The following LPAR6 variants were observed in gnomAD, a reference collection of about 807,000 sequenced individuals.
LPAR6 encodes the protein lysophosphatidic acid receptor 6, also known as G-protein coupled purinergic receptor P2Y5.
A neutral mutation model predicts 22.0 loss-of-function variants in LPAR6; 17 were observed. That is an observed-to-expected ratio of 0.77 (90% CI 0.53 to 1.16). The LOEUF is 1.16. LPAR6 is among the 50% of genes most tolerant of loss of function. The probability of loss-of-function intolerance (pLI) is 0.00; values close to 1 mark genes in which losing one functional copy is unlikely to be tolerated. For missense variants in LPAR6, 384 were observed against 406.9 expected (o/e 0.94, Z 0.48); for synonymous variants, 136 against 139.8 (o/e 0.97, Z 0.19).
At chr13:48,408,888 T>A (rs1309709119), downstream of LPAR6, 1 of 152,170 alleles carries the variant, frequency 6.6e-6, no homozygotes, top group Non-Finnish European at 1.5e-5. Flanking sequence ...TAAGTTGAGA[T>A]CTTTAAGCTG....
Position 48,412,712 on chromosome 13 carries a change from A to G in LPAR6, c.-289T>C. 2.2e-6 allele frequency: 1 copy of G among 461,948 alleles called. No individual in the cohort carries two copies. The highest frequency in any genetic ancestry group is 4.1e-6 in the Non-Finnish European group (1 of 244,242). 28.6% of individuals were successfully genotyped at this position (461,948 alleles called of 1,614,324 possible). A position where few individuals can be genotyped will look rare whatever the true frequency, so the allele number is the denominator to read the frequency against. On this transcript the variant is annotated 5_prime_UTR_variant, in exon 1 of 1. Coordinates refer to ENST00000620633, the MANE Select transcript of LPAR6 (RefSeq NM_001162498.3). ...AACTGACGAGCAACCTTTAAAAAAT[A>G]CAGTCAACGAGTCCAACCCATAGGA...
chr13:48,434,895 G>C (rs1023699576), intron 1 of LPAR6, among the ~76,000 whole-genome samples: 2 of 152,102 alleles, frequency 1.3e-5, no homozygotes, highest in African/African-American at 4.8e-5. Flanking sequence ...TGTATCAATA[G>C]TTCATACCTT....
At chr13:48,392,093 C>T (rs969985302) in intron 1 of LPAR6, among the ~76,000 whole-genome samples, 1 of 151,882 alleles carries the variant, frequency 6.6e-6, no homozygotes, top group East Asian at 1.9e-4. Flanking sequence ...GCTCCACTGT[C>T]TTCTGGTTTG....
chr13:48,396,621 G>A (rs999112513), intron 1 of LPAR6, among the ~76,000 whole-genome samples: 2 of 152,080 alleles, frequency 1.3e-5, no homozygotes, highest in Admixed American at 6.6e-5. Context: ...CAAAAGCAAT[G>A]GCAACAAAAG....
At chr13:48,442,612 A>T (rs1949249252) in intron 1 of LPAR6, among the ~76,000 whole-genome samples, 1 of 152,178 alleles carries the variant, frequency 6.6e-6, no homozygotes, top group Non-Finnish European at 1.5e-5. Context: ...ACTGAATTGA[A>T]GATAGTAATG....
upstream of LPAR6, among the ~76,000 whole-genome samples, chr13:48,417,628 A>C (rs1223652074): frequency 6.6e-6 from 1 of 152,190 alleles, no homozygotes; most frequent in African/African-American, 2.4e-5. Context: ...AAGGAAGCTA[A>C]AAACCTTGAA....
chr13:48,420,473 G>T (rs2138239374), intron 2 of LPAR6, among the ~76,000 whole-genome samples: 1 of 152,262 alleles, frequency 6.6e-6, no homozygotes. Flanking sequence ...TTGAAAACTG[G>T]CACAAGACAA....
chr13:48,395,674 AT>A (rs1948642281), intron 1 of LPAR6, among the ~76,000 whole-genome samples: 1 of 152,148 alleles, frequency 6.6e-6, no homozygotes, highest in South Asian at 2.1e-4. Context: ...TGATGACAAG[AT>A]TAGAGAAAAA....
In LPAR6 at chr13:48,412,468, C is replaced by A; in HGVS notation, c.-45G>T. On this transcript the variant is annotated 5_prime_UTR_variant, in exon 1 of 1. Coordinates refer to ENST00000620633, the MANE Select transcript of LPAR6 (RefSeq NM_001162498.3). Reference sequence around the variant, plus strand: ...TTCAGTTTGGAAGCACTTTCATCAGCTGCAGTCTCCTTTGGGATTCAGATT... The same window carrying A: ...TTCAGTTTGGAAGCACTTTCATCAGATGCAGTCTCCTTTGGGATTCAGATT... The A allele has an allele frequency of 8.0e-7, 1 of 1,249,604 alleles. No homozygotes were observed. Among genetic ancestry groups the A allele is most frequent in the Non-Finnish European group, 1.2e-6 (1 of 847,242 alleles). 77.4% of individuals were successfully genotyped at this position (1,249,604 alleles called of 1,614,324 possible). A position where few individuals can be genotyped will look rare whatever the true frequency, so the allele number is the denominator to read the frequency against.
chr13:48,443,910 C>A (rs758754678), intron 1 of LPAR6, among the ~76,000 whole-genome samples: 1 of 151,548 alleles, frequency 6.6e-6, no homozygotes, highest in Non-Finnish European at 1.5e-5. Context: ...TAGGAAAAAA[C>A]TCTCTCAAAC....
chr13:48,407,789 T>G (rs967033387), downstream of LPAR6, among the ~76,000 whole-genome samples: 3 of 152,176 alleles, frequency 2.0e-5, no homozygotes, highest in Non-Finnish European at 4.4e-5. Flanking sequence ...TTTGGAGTCT[T>G]TAAGATTTCA....
intron 1 of LPAR6, among the ~76,000 whole-genome samples, chr13:48,435,182 T>C (rs1272961936): frequency 1.3e-5 from 2 of 152,246 alleles, no homozygotes; most frequent in Non-Finnish European, 2.9e-5. Flanking sequence ...CCGCCAGCAA[T>C]ATACGAGTGA....
chr13:48,441,706 G>A (rs1367593649), intron 1 of LPAR6, among the ~76,000 whole-genome samples: 1 of 152,084 alleles, frequency 6.6e-6, no homozygotes, highest in Non-Finnish European at 1.5e-5. Context: ...AAAAAGTTTA[G>A]CACTAGGAAT....
intron 1 of LPAR6, among the ~76,000 whole-genome samples, chr13:48,402,496 G>C (rs1948701940): frequency 6.7e-6 from 1 of 148,668 alleles, no homozygotes; most frequent in South Asian, 2.2e-4. Context: ...TCCCACCTCA[G>C]CCTCCTTAGT....
chr13:48,426,837 G>A (rs1949086518), intron 1 of LPAR6: 1 of 152,234 alleles, frequency 6.6e-6, no homozygotes, highest in Non-Finnish European at 1.5e-5. Flanking sequence ...GTAAAGAAAA[G>A]AGTAGGGTTT....
At chr13:48,409,183 C>G (rs1375168609), downstream of LPAR6, among the ~76,000 whole-genome samples, 1 of 132,816 alleles carries the variant, frequency 7.5e-6, no homozygotes, top group East Asian at 2.2e-4. Flanking sequence ...GGATCTTGCT[C>G]TGTTGTCCAT....
At chr13:48,442,874 C>G (rs1240787862) in intron 1 of LPAR6, among the ~76,000 whole-genome samples, 1 of 152,004 alleles carries the variant, frequency 6.6e-6, no homozygotes, top group Non-Finnish European at 1.5e-5. Context: ...TTTCAAAATA[C>G]TTTAAATATT....
chr13:48,422,437 C>T (rs545782993), intron 2 of LPAR6, among the ~76,000 whole-genome samples: 172 of 152,250 alleles, frequency 1.1e-3, no homozygotes, highest in African/African-American at 3.9e-3. Flanking sequence ...ATGGGTGCAG[C>T]AAACCACCAT....
upstream of LPAR6, among the ~76,000 whole-genome samples, chr13:48,416,861 C>G (rs1481426665): frequency 6.6e-6 from 1 of 152,200 alleles, no homozygotes; most frequent in East Asian, 1.9e-4. Context: ...CCAACTGCTT[C>G]TCTAGAGTCC....
Sources: gnomAD v4.1 joint callset for allele counts (sites outside exome capture counted in the v4.1 genomes callset) on GRCh38, gnomAD v4.1.1 for gene constraint, MANE v1.5 for transcripts, NCBI Gene and HGNC (gene_info 2026-07-23, HGNC 2026-07-21) for gene names.